Variants in LRMDA observed in about 807,000 individuals in gnomAD.
LRMDA encodes leucine-rich melanocyte differentiation-associated protein.
Under a neutral mutation model 29.8 loss-of-function variants are expected in LRMDA, and 18 were observed. That is an observed-to-expected ratio of 0.60 (90% CI 0.42 to 0.90). The LOEUF is 0.90. Ranked by LOEUF, LRMDA falls within the 40% of genes least tolerant of loss-of-function variation. LRMDA has a pLI of 0.00. For missense variants in LRMDA, 273 were observed against 273.9 expected (o/e 1.00, Z 0.02); for synonymous variants, 125 against 109.4 (o/e 1.14, Z -0.89).
At chr10:75,986,198 G>T (rs967464247) in intron 2 of LRMDA, among the ~76,000 whole-genome samples, 1 of 152,172 alleles carries the variant, frequency 6.6e-6, no homozygotes, top group Non-Finnish European at 1.5e-5. Flanking sequence ...GTGGTTTAAA[G>T]ATCAATAAGA....
chr10:76,004,418 T>C (rs188051895), intron 2 of LRMDA, among the ~76,000 whole-genome samples: 1 of 152,332 alleles, frequency 6.6e-6, no homozygotes, highest in East Asian at 1.9e-4. Flanking sequence ...TTATGGATAA[T>C]TGCTGCTCTT....
At chr10:75,868,008 T>A (rs1845048470) in intron 2 of LRMDA, among the ~76,000 whole-genome samples, 4 of 152,196 alleles carry the variant, frequency 2.6e-5, no homozygotes, top group Admixed American at 6.5e-5. Context: ...TGATTTTTTT[T>A]AACCATTTAA....
intron 6 of LRMDA, among the ~76,000 whole-genome samples, chr10:76,345,253 TA>T (rs1841091848): frequency 6.9e-6 from 1 of 145,790 alleles, no homozygotes; most frequent in Non-Finnish European, 1.5e-5. Flanking sequence ...TTTTTTTTTT[TA>T]GTAGAGACGG....
At chr10:75,679,396 T>G (rs1042558962) in intron 2 of LRMDA, among the ~76,000 whole-genome samples, 57 of 152,274 alleles carry the variant, frequency 3.7e-4, no homozygotes, top group African/African-American at 1.3e-3. Flanking sequence ...GAGTTTGAAG[T>G]AACTTGCCAA....
chr10:75,874,645 G>A (rs976729163), intron 2 of LRMDA, among the ~76,000 whole-genome samples: 1 of 152,142 alleles, frequency 6.6e-6, no homozygotes, highest in Non-Finnish European at 1.5e-5. Flanking sequence ...AAGAGACCTA[G>A]GTATTATGGC....
Position 75,927,692 on chromosome 10 carries a change from T to G in LRMDA, c.132-108316T>G, listed in dbSNP as rs1309350631. Among the ~76,000 whole-genome samples the G allele has an allele frequency of 3.3e-5, 5 of 152,226 alleles. No individual in the cohort carries two copies. In the East Asian group the frequency reaches 9.6e-4, roughly 29 times the overall value. On this transcript the variant is annotated intron_variant, in intron 2 of 6. Coordinates refer to ENST00000611255, the MANE Select transcript of LRMDA (RefSeq NM_001305581.2). The stretch of plus-strand genomic sequence containing the variant: ...CTTTGCAAATGAGGTAACTGAAGTT[T>G]AGAAAGGTTAAGTTACTTGCCCAAG...
chr10:75,724,349 CA>C (rs1473187272), intron 2 of LRMDA, among the ~76,000 whole-genome samples: 3 of 152,202 alleles, frequency 2.0e-5, no homozygotes, highest in Non-Finnish European at 4.4e-5. Flanking sequence ...CACCCATTAA[CA>C]AATTTGTATA....
intron 6 of LRMDA, among the ~76,000 whole-genome samples, chr10:76,492,345 T>C (rs937031782): frequency 3.2e-4 from 49 of 152,020 alleles, no homozygotes; most frequent in Admixed American, 3.1e-3. Flanking sequence ...TCTTGGATAG[T>C]CTTTCCAAGT....
chr10:75,583,989 C>G (rs1046414098), intron 2 of LRMDA, among the ~76,000 whole-genome samples: 2 of 152,166 alleles, frequency 1.3e-5, no homozygotes, highest in African/African-American at 4.8e-5. Context: ...CCCAGCCCCC[C>G]CATAGGGACT....
At chr10:75,802,902 G>T (rs1843778672) in intron 2 of LRMDA, among the ~76,000 whole-genome samples, 1 of 150,598 alleles carries the variant, frequency 6.6e-6, no homozygotes, top group Admixed American at 6.6e-5. Context: ...GTTATTTGTG[G>T]TCTTGACCTG....
chr10:76,453,536 G>A (rs548098897), intron 6 of LRMDA, among the ~76,000 whole-genome samples: 1 of 152,124 alleles, frequency 6.6e-6, no homozygotes, highest in Non-Finnish European at 1.5e-5. Context: ...CAAAACCAGG[G>A]CACATTTGTT....
In LRMDA at chr10:76,559,717, G is replaced by GT. The variant is rs1319517552; in HGVS notation, c.*2433dup. 1 of 152,192 alleles carries GT rather than the reference G, an allele frequency of 6.6e-6. No individual in the cohort carries two copies. Among genetic ancestry groups the GT allele is most frequent in the African/African-American group, 2.4e-5 (1 of 41,450 alleles). The allele number at this position is 152,192 out of a possible 1,614,324, so 9.4% of individuals were successfully genotyped here. A position where few individuals can be genotyped will look rare whatever the true frequency, so the allele number is the denominator to read the frequency against. On this transcript the variant is annotated 3_prime_UTR_variant, in exon 7 of 7. Coordinates refer to ENST00000611255, the MANE Select transcript of LRMDA (RefSeq NM_001305581.2). The stretch of plus-strand genomic sequence containing the variant: ...ATAAATTCAATCAGGGCCCAGACAT[G>GT]TTTTGTACCCCCTTTACCCTTTGGT...
chr10:76,332,376 T>C (rs1180368042), intron 6 of LRMDA, among the ~76,000 whole-genome samples: 1 of 152,096 alleles, frequency 6.6e-6, no homozygotes, highest in Non-Finnish European at 1.5e-5. Context: ...TGATTTTTCA[T>C]TTGCAGTCTC....
At chr10:76,253,132 G>A (rs1194094369) in intron 5 of LRMDA, among the ~76,000 whole-genome samples, 1 of 152,106 alleles carries the variant, frequency 6.6e-6, no homozygotes, top group African/African-American at 2.4e-5. Context: ...CCCTTGCTTG[G>A]GAAATTGAGT....
intron 5 of LRMDA, among the ~76,000 whole-genome samples, chr10:76,146,770 C>T (rs1850330694): frequency 6.6e-6 from 1 of 152,148 alleles, no homozygotes. Context: ...GATGCAGTTT[C>T]TTCCTAGCCT....
intron 2 of LRMDA, among the ~76,000 whole-genome samples, chr10:75,918,608 C>T (rs976493114): frequency 9.2e-5 from 14 of 152,120 alleles, no homozygotes; most frequent in Non-Finnish European, 1.3e-4. Context: ...TTAGGGATTA[C>T]GATCCAACAT....
chr10:75,966,246 G>A (rs1020125611), intron 2 of LRMDA, among the ~76,000 whole-genome samples: 1 of 152,222 alleles, frequency 6.6e-6, no homozygotes, highest in Non-Finnish European at 1.5e-5. Context: ...GAGCCTGGGT[G>A]TGAATCCCAG....
intron 6 of LRMDA, among the ~76,000 whole-genome samples, chr10:76,533,601 A>G (rs541667864): frequency 6.6e-6 from 1 of 152,284 alleles, no homozygotes; most frequent in East Asian, 1.9e-4. Flanking sequence ...TTTAATTTTC[A>G]GTTAAAGGCA....
intron 6 of LRMDA, among the ~76,000 whole-genome samples, chr10:76,475,771 A>T (rs1337174802): frequency 2.0e-5 from 3 of 152,174 alleles, no homozygotes; most frequent in African/African-American, 4.8e-5. Flanking sequence ...AACTACATGG[A>T]AACTGAACAA....
Sources: gnomAD v4.1 joint callset for allele counts (sites outside exome capture counted in the v4.1 genomes callset) on GRCh38, gnomAD v4.1.1 for gene constraint, MANE v1.5 for transcripts, NCBI Gene and HGNC (gene_info 2026-07-23, HGNC 2026-07-21) for gene names.